The following RPS6KC1 variants were observed in gnomAD, a reference collection of about 807,000 sequenced individuals.
RPS6KC1 encodes the protein inactive ribosomal protein S6 kinase delta-1.
Under a neutral mutation model 103.8 loss-of-function variants are expected in RPS6KC1, and 54 were observed. The observed-to-expected ratio is 0.52, with a 90% confidence interval of 0.42 to 0.65. RPS6KC1 has a LOEUF of 0.65. Among genes scored for constraint, RPS6KC1 ranks in the 30% least tolerant of loss-of-function variants. RPS6KC1 has a pLI of 0.00. For missense variants in RPS6KC1, 1,151 were observed against 1,253.8 expected (o/e 0.92, Z 1.24); for synonymous variants, 439 against 438.7 (o/e 1.00, Z -0.01).
At chr1:213,468,600 C>T in the RPS6KC1 span, among the ~76,000 whole-genome samples, 2 of 152,270 alleles carry the variant, frequency 1.3e-5, no homozygotes, top group South Asian at 2.1e-4. Context: ...TACAAACTTA[C>T]GAATTAATCC....
chr1:213,539,315 A>T, the RPS6KC1 span, among the ~76,000 whole-genome samples: 1 of 152,238 alleles, frequency 6.6e-6, no homozygotes, highest in Non-Finnish European at 1.5e-5. Context: ...ATTGCAGAAA[A>T]ATAAGCATAT....
chr1:213,601,473 A>G, the RPS6KC1 span, among the ~76,000 whole-genome samples: 775 of 148,236 alleles, frequency 5.2e-3, 7 homozygotes, highest in Non-Finnish European at 6.3e-3. Flanking sequence ...ATATATTTAT[A>G]TATTAAACTA....
At chr1:213,771,009 C>A in the RPS6KC1 span, among the ~76,000 whole-genome samples, 1 of 152,202 alleles carries the variant, frequency 6.6e-6, no homozygotes, top group African/African-American at 2.4e-5. Flanking sequence ...CGGCCAGGGG[C>A]TTTGTCCAGG....
At chr1:213,211,965 GAGAC>G (rs1573317013) in intron 8 of RPS6KC1, among the ~76,000 whole-genome samples, 1 of 152,146 alleles carries the variant, frequency 6.6e-6, no homozygotes, top group Non-Finnish European at 1.5e-5. Context: ...AATTGAGAGA[GAGAC>G]AGAGTTTTTC....
chr1:213,643,415 A>G, the RPS6KC1 span, among the ~76,000 whole-genome samples: 1 of 151,524 alleles, frequency 6.6e-6, no homozygotes, highest in Non-Finnish European at 1.5e-5. Flanking sequence ...TTTGAAGGGT[A>G]TTATTTCTGT....
the RPS6KC1 span, among the ~76,000 whole-genome samples, chr1:213,632,034 T>C: frequency 1.3e-5 from 2 of 152,340 alleles, no homozygotes; most frequent in Middle Eastern, 3.4e-3. Context: ...TTTGCTTCTT[T>C]TATTCAGCAT....
At chr1:213,150,567 C>T (rs1480111559) in intron 6 of RPS6KC1, among the ~76,000 whole-genome samples, 14 of 150,854 alleles carry the variant, frequency 9.3e-5, no homozygotes, top group Non-Finnish European at 1.8e-4. Flanking sequence ...CATCTTGCAC[C>T]GCCCTTAATC....
the RPS6KC1 span, among the ~76,000 whole-genome samples, chr1:213,783,477 T>C: frequency 6.6e-6 from 1 of 151,930 alleles, no homozygotes; most frequent in African/African-American, 2.4e-5. Context: ...GTTTGTTGCC[T>C]CCCCCCCTCA....
At chr1:213,816,075 TATTG>T in the RPS6KC1 span, among the ~76,000 whole-genome samples, 2 of 152,190 alleles carry the variant, frequency 1.3e-5, no homozygotes, top group Admixed American at 6.5e-5. Flanking sequence ...ACACAACATT[TATTG>T]ATTATGTTCG....
At chr1:213,521,371 T>G in the RPS6KC1 span, among the ~76,000 whole-genome samples, 1 of 152,238 alleles carries the variant, frequency 6.6e-6, no homozygotes, top group African/African-American at 2.4e-5. Flanking sequence ...CTAATGGTAA[T>G]CTAAGCCTTC....
At chr1:213,718,861 G>T in the RPS6KC1 span, among the ~76,000 whole-genome samples, 2 of 152,228 alleles carry the variant, frequency 1.3e-5, no homozygotes, top group Non-Finnish European at 2.9e-5. Context: ...CTGAGATTCT[G>T]CTCCTATAAT....
At chr1:213,470,445 A>C in the RPS6KC1 span, among the ~76,000 whole-genome samples, 1 of 152,110 alleles carries the variant, frequency 6.6e-6, no homozygotes, top group African/African-American at 2.4e-5. Context: ...TACTTCATGG[A>C]TGATGTTCTG....
the RPS6KC1 span, chr1:213,840,914 A>G: frequency 2.0e-5 from 3 of 152,180 alleles, no homozygotes; most frequent in African/African-American, 7.2e-5. Flanking sequence ...AAGTGGGACA[A>G]GAAAACTTCT....
At chr1:213,199,874 A>G (rs1014420311) in intron 8 of RPS6KC1, among the ~76,000 whole-genome samples, 1 of 152,208 alleles carries the variant, frequency 6.6e-6, no homozygotes, top group African/African-American at 2.4e-5. Context: ...CCAGAATGTA[A>G]TCCCATTCAT....
chr1:213,110,426 T>G (rs1270835347), intron 4 of RPS6KC1, among the ~76,000 whole-genome samples: 1 of 152,224 alleles, frequency 6.6e-6, no homozygotes, highest in Non-Finnish European at 1.5e-5. Context: ...GTTTAGTCCA[T>G]AGTAAATCTG....
chr1:213,397,697 C>A, the RPS6KC1 span, among the ~76,000 whole-genome samples: 3 of 151,814 alleles, frequency 2.0e-5, no homozygotes, highest in African/African-American at 7.3e-5. Flanking sequence ...GAGGTCAAGG[C>A]AAAATGGTAG....
chr1:213,179,847 G>A (rs992816192), intron 8 of RPS6KC1, among the ~76,000 whole-genome samples: 1 of 152,088 alleles, frequency 6.6e-6, no homozygotes, highest in Admixed American at 6.5e-5. Context: ...ACCTAGAATC[G>A]CTTGGCACAT....
chr1:213,501,891 A>G, the RPS6KC1 span, among the ~76,000 whole-genome samples: 2 of 152,226 alleles, frequency 1.3e-5, no homozygotes, highest in South Asian at 2.1e-4. Context: ...CTCAAGCAAC[A>G]TGCAATCTGC....
chr1:213,569,498 G>T, the RPS6KC1 span, among the ~76,000 whole-genome samples: 48 of 152,180 alleles, frequency 3.2e-4, no homozygotes, highest in African/African-American at 1.2e-3. Context: ...CAGAACAGAA[G>T]GCTCTTTTGT....
Sources: gnomAD v4.1 joint callset for allele counts (sites outside exome capture counted in the v4.1 genomes callset) on GRCh38, gnomAD v4.1.1 for gene constraint, MANE v1.5 for transcripts, NCBI Gene and HGNC (gene_info 2026-07-23, HGNC 2026-07-21) for gene names.